CCDC171: variants seen among roughly 807,000 people sequenced by gnomAD.
CCDC171 encodes the protein coiled-coil domain containing 171.
In CCDC171, 177 loss-of-function variants were observed where a neutral mutation model predicts 168.2. That is an observed-to-expected ratio of 1.05 (90% CI 0.93 to 1.19). CCDC171 has a LOEUF of 1.19. CCDC171 is among the 50% of genes most tolerant of loss of function. The pLI is 0.00. For synonymous variants in CCDC171, 687 were observed against 540.8 expected (o/e 1.27, Z -3.75); for missense variants, 1,991 against 1,539.0 (o/e 1.29, Z -4.91).
downstream of CCDC171, among the ~76,000 whole-genome samples, chr9:16,066,361 T>A (rs149546995): frequency 5.2e-4 from 79 of 152,168 alleles, no homozygotes; most frequent in Admixed American, 1.1e-3. Flanking sequence ...CACAGAAGTA[T>A]AGATAAAGTG....
intron 24 of CCDC171, among the ~76,000 whole-genome samples, chr9:15,899,133 G>C (rs1048978731): frequency 4.6e-5 from 7 of 152,068 alleles, no homozygotes; most frequent in Admixed American, 4.6e-4. Flanking sequence ...CCAAGTTTTT[G>C]CATATATCAA....
At chr9:15,650,295 T>A (rs865942651) in intron 7 of CCDC171, among the ~76,000 whole-genome samples, 1 of 152,164 alleles carries the variant, frequency 6.6e-6, no homozygotes, top group Admixed American at 6.5e-5. Flanking sequence ...ATATACCTAA[T>A]GTAAATGATG....
At chr9:15,631,933 C>G (rs534578654) in intron 7 of CCDC171, among the ~76,000 whole-genome samples, 3 of 152,286 alleles carry the variant, frequency 2.0e-5, no homozygotes, top group South Asian at 4.1e-4. Flanking sequence ...ATGATTATCT[C>G]AATAGATGCA....
intron 21 of CCDC171, among the ~76,000 whole-genome samples, chr9:15,842,516 T>C (rs576057575): frequency 2.4e-4 from 37 of 152,036 alleles, no homozygotes; most frequent in Non-Finnish European, 4.7e-4. Flanking sequence ...TCTTATGCAG[T>C]TTTCAACTAG....
intron 3 of CCDC171, among the ~76,000 whole-genome samples, chr9:15,982,779 C>A (rs1458557607): frequency 6.6e-6 from 1 of 152,022 alleles, no homozygotes; most frequent in Non-Finnish European, 1.5e-5. Context: ...AGTTTAAGAA[C>A]CTAAAAGAGT....
intron 8 of CCDC171, 51 bp downstream of exon 8, chr9:15,657,270 A>G (rs2048009512): frequency 1.7e-6 from 2 of 1,144,470 alleles, no homozygotes; most frequent in Non-Finnish European, 2.6e-6. Flanking sequence ...TTGTGTTATA[A>G]CAGCTGGGAA....
chr9:15,945,228 C>G (rs1162468842), intron 25 of CCDC171, among the ~76,000 whole-genome samples: 1 of 149,890 alleles, frequency 6.7e-6, no homozygotes, highest in Admixed American at 6.7e-5. Flanking sequence ...TTTATGGCTG[C>G]ATAGTATTCC....
chr9:16,048,044 A>T (rs1253728351), intron 1 of CCDC171, among the ~76,000 whole-genome samples: 1 of 152,232 alleles, frequency 6.6e-6, no homozygotes, highest in Non-Finnish European at 1.5e-5. Context: ...GTTGGCTCAA[A>T]GGGATGGCCC....
At position 15,847,249 on chromosome 9, in the gene CCDC171, C is replaced by T. The variant is rs958645149; in HGVS notation, c.3413+402C>T. ...CATATATTATTATATACTAATATTGCGAGTAATATTTCCATAAAGAAATGT... is the reference window on the plus strand; with the variant it reads ...CATATATTATTATATACTAATATTGTGAGTAATATTTCCATAAAGAAATGT... On this transcript the variant is annotated intron_variant, in intron 22 of 25. Coordinates refer to ENST00000380701, the MANE Select transcript of CCDC171 (RefSeq NM_173550.4). 1.4e-4 allele frequency among the ~76,000 whole-genome samples: 22 copies of T among 151,844 alleles called. No individual in the cohort carries two copies. In the South Asian group the frequency reaches 2.5e-3, roughly 17 times the overall value.
chr9:15,582,113 C>G (rs549755842), intron 4 of CCDC171, among the ~76,000 whole-genome samples: 1 of 152,110 alleles, frequency 6.6e-6, no homozygotes, highest in Non-Finnish European at 1.5e-5. Flanking sequence ...AGAAAGTGGG[C>G]AAAGGATATG....
intron 18 of CCDC171, among the ~76,000 whole-genome samples, chr9:15,761,047 A>C (rs901534822): frequency 1.3e-5 from 2 of 152,228 alleles, no homozygotes; most frequent in Non-Finnish European, 2.9e-5. Flanking sequence ...TGACTGGTCG[A>C]GACTAAAATT....
Position 15,666,178 on chromosome 9 carries a change from C to G in CCDC171, c.931C>G (p.Leu311Val). ...CGTCCGGTAGTTACGGATTCGAGAC[C>G]TTGAAGGAGCTTTGCAAGTAGAGAA... ...SEIIQLRIRD[L>V]EGALQVEKAS... The change falls in exon 9 of 26, where the codon CTT (leucine) becomes GTT (valine). Residue 311 changes from leucine (L) to valine (V), a missense_variant. Coordinates refer to ENST00000380701, the MANE Select transcript of CCDC171 (RefSeq NM_173550.4). 6.2e-7 allele frequency: 1 copy of G among 1,613,538 alleles called. No homozygotes were observed.
At chr9:15,942,619 C>T (rs994991725) in intron 25 of CCDC171, among the ~76,000 whole-genome samples, 21 of 151,858 alleles carry the variant, frequency 1.4e-4, no homozygotes, top group Non-Finnish European at 1.5e-4. Context: ...CAATCTGTAG[C>T]GCTGAAAAAT....
chr9:15,570,331 CATGGATGTGACAT>C (rs1421622965), intron 2 of CCDC171, among the ~76,000 whole-genome samples: 1 of 151,704 alleles, frequency 6.6e-6, no homozygotes, highest in Non-Finnish European at 1.5e-5. Context: ...CTATTGCAGT[CATGGATGTGACAT>C]ATGGATGATA....
chr9:15,957,972 A>G (rs993554911), intron 25 of CCDC171, among the ~76,000 whole-genome samples: 3 of 152,202 alleles, frequency 2.0e-5, no homozygotes, highest in Admixed American at 1.3e-4. Flanking sequence ...GAAAGGAGGA[A>G]TTGAAGAAAG....
At chr9:15,652,920 A>G (rs1686692658) in intron 7 of CCDC171, among the ~76,000 whole-genome samples, 1 of 152,184 alleles carries the variant, frequency 6.6e-6, no homozygotes, top group South Asian at 2.1e-4. Flanking sequence ...TATAATAGCT[A>G]AGAACATCCT....
Position 15,979,039 on chromosome 9 carries a change from G to A in CCDC171, n.369-41550G>A, listed in dbSNP as rs1031091254. ...TTCATTGAGACTTAACATTTTCCAG[G>A]TTTGTTCATACGGTACCGTGTATCT... On this transcript the variant is annotated intron_variant and non_coding_transcript_variant, in intron 3 of 9. Transcript: ENST00000486641. Among the ~76,000 whole-genome samples the A allele has an allele frequency of 1.2e-4, 18 of 152,022 alleles. 1 individual carries two copies. Among genetic ancestry groups the A allele is most frequent in the Admixed American group, 9.8e-4 (15 of 15,260 alleles).
intron 8 of CCDC171, among the ~76,000 whole-genome samples, chr9:15,662,462 A>C (rs1034771866): frequency 6.6e-6 from 1 of 152,016 alleles, no homozygotes; most frequent in Admixed American, 6.6e-5. Flanking sequence ...CATTCCTGTG[A>C]CGCTTGCCTC....
At chr9:15,856,671 G>T (rs1209710419) in intron 23 of CCDC171, among the ~76,000 whole-genome samples, 1 of 152,022 alleles carries the variant, frequency 6.6e-6, no homozygotes, top group Non-Finnish European at 1.5e-5. Context: ...GAACTTGGGA[G>T]TGTATATATT....
Sources: gnomAD v4.1 joint callset for allele counts (sites outside exome capture counted in the v4.1 genomes callset) on GRCh38, gnomAD v4.1.1 for gene constraint, MANE v1.5 for transcripts, NCBI Gene and HGNC (gene_info 2026-07-23, HGNC 2026-07-21) for gene names.